The following RNFT2 variants were observed in gnomAD, a reference collection of about 807,000 sequenced individuals.
The protein encoded by RNFT2 is E3 ubiquitin-protein ligase RNFT2.
RNFT2 carries 36 observed loss-of-function variants against 53.0 expected under a neutral mutation model. The ratio of observed to expected loss-of-function variants is 0.68; its 90% CI spans 0.52 to 0.90. The LOEUF (loss-of-function observed/expected upper bound fraction) is 0.90, where lower values mean the gene tolerates loss of function less well. RNFT2 is among the 40% of genes least tolerant of loss of function. The probability of loss-of-function intolerance (pLI) is 0.00; values close to 1 mark genes in which losing one functional copy is unlikely to be tolerated. For synonymous variants in RNFT2, 260 were observed against 253.2 expected, an observed-to-expected ratio of 1.03 and a Z score of -0.26; for missense variants, 514 against 585.6, an observed-to-expected ratio of 0.88 and a Z score of 1.26.
chr12:116,771,885 C>T (rs559023998), intron 6 of RNFT2, among the ~76,000 whole-genome samples: 1 of 152,312 alleles, frequency 6.6e-6, no homozygotes, highest in Non-Finnish European at 1.5e-5. Flanking sequence ...GACGCTTCCT[C>T]CACAAATCTG....
At chr12:116,811,577 T>C (rs1875380729) in intron 7 of RNFT2, among the ~76,000 whole-genome samples, 1 of 152,188 alleles carries the variant, frequency 6.6e-6, no homozygotes, top group Non-Finnish European at 1.5e-5. Flanking sequence ...GTTTTCGCCA[T>C]GTTGGCCAGG....
At chr12:116,775,309 C>T (rs574288282) in intron 6 of RNFT2, among the ~76,000 whole-genome samples, 1 of 40,558 alleles carries the variant, frequency 2.5e-5, no homozygotes, top group South Asian at 6.1e-4. Context: ...TAGCTGAGTC[C>T]TTGTCCTTAC....
At chr12:116,845,758 A>G (rs918883904) in intron 10 of RNFT2, among the ~76,000 whole-genome samples, 5 of 152,026 alleles carry the variant, frequency 3.3e-5, no homozygotes, top group Admixed American at 6.6e-5. Context: ...AGAATCCAGT[A>G]TGGTCTTCGC....
chr12:116,740,447 G>T lies in RNFT2; in HGVS notation c.-51G>T. ...GGATCCATTGGTCACATCCCCCTGA[G>T]GATTCCCGAATGCCTACCTCCAGTG... On this transcript the variant is annotated 5_prime_UTR_variant, in exon 2 of 11. It adds an upstream start codon to the 5' untranslated region. Transcript: ENST00000257575. 1 of 1,550,978 alleles carries T rather than the reference G, an allele frequency of 6.4e-7. No homozygotes were observed. The highest frequency in any genetic ancestry group is 2.4e-5 in the East Asian group (1 of 41,688).
intron 7 of RNFT2, among the ~76,000 whole-genome samples, chr12:116,815,589 C>T (rs1481336322): frequency 6.6e-6 from 1 of 152,164 alleles, no homozygotes; most frequent in Non-Finnish European, 1.5e-5. Flanking sequence ...ACCCTCTTGC[C>T]TTCCTCTAAT....
chr12:116,779,591 G>C (rs993730800), intron 7 of RNFT2, among the ~76,000 whole-genome samples: 1 of 152,118 alleles, frequency 6.6e-6, no homozygotes. Context: ...AAGTTAGGTT[G>C]TTCACAGCTA....
At chr12:116,846,374 C>A (rs1877613194) in intron 10 of RNFT2, among the ~76,000 whole-genome samples, 1 of 151,752 alleles carries the variant, frequency 6.6e-6, no homozygotes, top group Admixed American at 6.6e-5. Flanking sequence ...TGGGCTCAAG[C>A]AATCCTCCCA....
chr12:116,792,821 G>C (rs1306828254), intron 7 of RNFT2, among the ~76,000 whole-genome samples: 1 of 152,276 alleles, frequency 6.6e-6, no homozygotes, highest in South Asian at 2.1e-4. Context: ...TCACGGCACA[G>C]ATGCTCTTTG....
At chr12:116,826,281 C>T (rs1368334828) in intron 7 of RNFT2, among the ~76,000 whole-genome samples, 4 of 151,988 alleles carry the variant, frequency 2.6e-5, no homozygotes, top group African/African-American at 9.7e-5. Context: ...GAATAGAATC[C>T]GCCTTCCCAA....
At chr12:116,822,530 C>T (rs1295718835) in intron 7 of RNFT2, among the ~76,000 whole-genome samples, 1 of 152,226 alleles carries the variant, frequency 6.6e-6, no homozygotes, top group African/African-American at 2.4e-5. Context: ...ATAGCACCTG[C>T]CTCATAGTGG....
At chr12:116,772,587 G>A (rs1430052122) in intron 6 of RNFT2, among the ~76,000 whole-genome samples, 2 of 152,122 alleles carry the variant, frequency 1.3e-5, no homozygotes, top group Non-Finnish European at 2.9e-5. Context: ...TTACAGGTGT[G>A]AGCCATTGCG....
In RNFT2 at chr12:116,740,536, A is replaced by G; in HGVS notation, c.24+15A>G. The G allele has an allele frequency of 2.6e-6, 4 of 1,564,518 alleles. No individual in the cohort carries two copies. Among genetic ancestry groups the G allele is most frequent in the South Asian group, 1.2e-5 (1 of 84,844 alleles). On this transcript the variant is annotated intron_variant, in intron 2 of 10. Coordinates refer to ENST00000257575, the MANE Select transcript of RNFT2 (RefSeq NM_001382266.1). ...CAGTGAATCAGGTGACACGTCTCCA[A>G]GAGAATTTGCATCTTTATTACTACT...
intron 6 of RNFT2, among the ~76,000 whole-genome samples, chr12:116,771,492 A>ATATATAT (rs751202230): frequency 1.0e-4 from 11 of 109,266 alleles, no homozygotes; most frequent in African/African-American, 2.8e-4. Context: ...AAAAAAAAAA[A>ATATATAT]AAATACGTAT....
chr12:116,821,423 G>A (rs1395138291), intron 7 of RNFT2, among the ~76,000 whole-genome samples: 2 of 152,200 alleles, frequency 1.3e-5, no homozygotes, highest in Non-Finnish European at 2.9e-5. Context: ...CCTCCAGGTC[G>A]GTGCTGGGTC....
chr12:116,768,410 C>G (rs1873014232), intron 6 of RNFT2, among the ~76,000 whole-genome samples: 1 of 152,042 alleles, frequency 6.6e-6, no homozygotes, highest in Non-Finnish European at 1.5e-5. Flanking sequence ...CCAGTTTGGC[C>G]TTTTATATTA....
intron 3 of RNFT2, among the ~76,000 whole-genome samples, chr12:116,741,580 C>G (rs1871612125): frequency 6.6e-6 from 1 of 152,178 alleles, no homozygotes; most frequent in African/African-American, 2.4e-5. Flanking sequence ...GGGCACTAAT[C>G]CCATTCGTGA....
chr12:116,822,238 A>G (rs1286165309), intron 7 of RNFT2, among the ~76,000 whole-genome samples: 1 of 151,994 alleles, frequency 6.6e-6, no homozygotes, highest in East Asian at 1.9e-4. Context: ...GGACTGACCA[A>G]TCATAGAACC....
intron 7 of RNFT2, among the ~76,000 whole-genome samples, chr12:116,803,086 C>A (rs1020956047): frequency 1.9e-5 from 2 of 102,856 alleles, no homozygotes; most frequent in African/African-American, 6.1e-5. Context: ...CAGAGCAAGA[C>A]CCTGTCTTAA....
chr12:116,757,854 T>C (rs745472634), intron 5 of RNFT2, among the ~76,000 whole-genome samples: 1 of 152,196 alleles, frequency 6.6e-6, no homozygotes. Context: ...TTCCAAGGTA[T>C]AGTTTAAATC....
Sources: gnomAD v4.1 joint callset for allele counts (sites outside exome capture counted in the v4.1 genomes callset) on GRCh38, gnomAD v4.1.1 for gene constraint, MANE v1.5 for transcripts, NCBI Gene and HGNC (gene_info 2026-07-23, HGNC 2026-07-21) for gene names.